The following CNTN5 variants were observed in gnomAD, a reference collection of about 807,000 sequenced individuals.
The protein encoded by CNTN5 is contactin 5.
CNTN5 carries 77 observed loss-of-function variants against 129.1 expected under a neutral mutation model. The ratio of observed to expected loss-of-function variants is 0.60; its 90% CI spans 0.50 to 0.72. The LOEUF (loss-of-function observed/expected upper bound fraction) is 0.72, where lower values mean the gene tolerates loss of function less well. Ranked by LOEUF, CNTN5 falls within the 30% of genes least tolerant of loss-of-function variation. CNTN5 has a pLI of 0.00. For missense variants in CNTN5, 1,478 were observed against 1,328.8 expected, an observed-to-expected ratio of 1.11 and a Z score of -1.75; for synonymous variants, 509 against 465.6, an observed-to-expected ratio of 1.09 and a Z score of -1.20.
At chr11:99,660,464 A>T (rs1591439149) in intron 3 of CNTN5, among the ~76,000 whole-genome samples, 1 of 152,254 alleles carries the variant, frequency 6.6e-6, no homozygotes, top group East Asian at 1.9e-4. Context: ...TATGCAACTT[A>T]AATATGTGCA....
chr11:99,970,827 G>C (rs7119109), intron 8 of CNTN5, among the ~76,000 whole-genome samples: 1 of 151,926 alleles, frequency 6.6e-6, no homozygotes. Context: ...ATGGATGGGC[G>C]GTAACATTGG....
chr11:99,556,652 TATAA>T (rs1371353003), intron 3 of CNTN5, among the ~76,000 whole-genome samples: 18 of 146,912 alleles, frequency 1.2e-4, no homozygotes, highest in African/African-American at 4.4e-4. Context: ...TGTATATGTA[TATAA>T]ATAATTATGT....
intron 1 of CNTN5, among the ~76,000 whole-genome samples, chr11:99,104,568 G>T (rs138293308): frequency 0.015 from 2,298 of 152,082 alleles, 41 homozygotes; most frequent in Non-Finnish European, 0.022. Context: ...AAGTAGTTAA[G>T]TGATGGATGT....
intron 2 of CNTN5, among the ~76,000 whole-genome samples, chr11:99,460,096 A>G (rs1473991015): frequency 6.6e-6 from 1 of 151,994 alleles, no homozygotes; most frequent in East Asian, 1.9e-4. Context: ...GAGCTTAAAA[A>G]TAGATGGAAT....
At chr11:99,727,312 C>CAAAAAAAAAAAAAAAAAAAAAAAA (rs397936738) in intron 3 of CNTN5, among the ~76,000 whole-genome samples, 41 of 24,186 alleles carry the variant, frequency 1.7e-3, no homozygotes, top group East Asian at 3.8e-3. Context: ...GACTCCGTCT[C>CAAAAAAAAAAAAAAAAAAAAAAAA]AAAAAAAAAA....
intron 6 of CNTN5, among the ~76,000 whole-genome samples, chr11:99,868,290 G>T (rs1204732500): frequency 6.6e-6 from 1 of 151,602 alleles, no homozygotes; most frequent in Non-Finnish European, 1.5e-5. Context: ...AAGAAAATAT[G>T]CAACAACAAT....
At chr11:99,500,093 T>A (rs777026632) in intron 2 of CNTN5, among the ~76,000 whole-genome samples, 2 of 152,166 alleles carry the variant, frequency 1.3e-5, no homozygotes, top group Non-Finnish European at 2.9e-5. Flanking sequence ...GTGAAAATAG[T>A]GTAATGACTA....
intron 3 of CNTN5, among the ~76,000 whole-genome samples, chr11:99,628,921 T>C (rs928780153): frequency 1.3e-5 from 2 of 152,034 alleles, no homozygotes; most frequent in Non-Finnish European, 2.9e-5. Flanking sequence ...TTAAGATAAT[T>C]GAGATAGTGG....
chr11:99,482,296 C>T (rs1430333098), intron 2 of CNTN5, among the ~76,000 whole-genome samples: 3 of 152,138 alleles, frequency 2.0e-5, no homozygotes, highest in Non-Finnish European at 2.9e-5. Context: ...ACAAGATACA[C>T]ATTTTTGAAA....
At chr11:100,348,982 GATGTCCAATAA>G (rs1394263346) in intron 23 of CNTN5, among the ~76,000 whole-genome samples, 1 of 151,906 alleles carries the variant, frequency 6.6e-6, no homozygotes, top group Non-Finnish European at 1.5e-5. Context: ...GCCTGCATGA[GATGTCCAATAA>G]ATGTTTGATA....
At chr11:100,225,779 A>G (rs1253925666) in intron 16 of CNTN5, among the ~76,000 whole-genome samples, 1 of 152,114 alleles carries the variant, frequency 6.6e-6, no homozygotes, top group African/African-American at 2.4e-5. Flanking sequence ...TAAAAACATT[A>G]TCATCTATAG....
At chr11:99,407,921 C>T (rs1230161504) in intron 2 of CNTN5, among the ~76,000 whole-genome samples, 1 of 152,184 alleles carries the variant, frequency 6.6e-6, no homozygotes, top group Admixed American at 6.5e-5. Flanking sequence ...CTGCATCATG[C>T]TTCCACTACC....
At chr11:100,309,229 T>A (rs1256944217) in intron 21 of CNTN5, 1 of 984,824 alleles carries the variant, frequency 1.0e-6, no homozygotes. Context: ...TTATTCTTAC[T>A]TTTCCTCTGC....
At position 99,658,881 on chromosome 11, in the gene CNTN5, T is replaced by A. The variant is rs1952486983; in HGVS notation, c.55+102612T>A. Among the ~76,000 whole-genome samples the A allele has an allele frequency of 6.3e-5, 6 of 95,090 alleles. No individual in the cohort carries two copies. The South Asian group carries it at 2.5e-3, about 40-fold the overall frequency. The allele number at this position is 95,090 out of a possible 152,430, so 62.4% of individuals were successfully genotyped here. A position where few individuals can be genotyped will look rare whatever the true frequency, so the allele number is the denominator to read the frequency against. On this transcript the variant is annotated intron_variant, in intron 3 of 24. Coordinates refer to ENST00000524871, the MANE Select transcript of CNTN5 (RefSeq NM_014361.4). ...CCAGACTGGGCAACAGGAGTGAAAC[T>A]CTGTCTCAAAAAAAAAAAAAAAAAG...
intron 3 of CNTN5, among the ~76,000 whole-genome samples, chr11:99,598,205 G>A (rs77732581): frequency 0.049 from 7,237 of 147,750 alleles, 262 homozygotes; most frequent in Non-Finnish European, 0.075. Flanking sequence ...CCATTCCTCA[G>A]GCGGGAACCT....
chr11:99,451,300 T>C (rs1046678388), intron 2 of CNTN5, among the ~76,000 whole-genome samples: 1 of 152,186 alleles, frequency 6.6e-6, no homozygotes, highest in Non-Finnish European at 1.5e-5. Context: ...TTCACACTGA[T>C]GACCCCATGT....
chr11:99,863,650 T>C (rs1948275328), intron 6 of CNTN5, among the ~76,000 whole-genome samples: 1 of 152,184 alleles, frequency 6.6e-6, no homozygotes, highest in African/African-American at 2.4e-5. Context: ...CTTTAGAAAT[T>C]AGGGATATTC....
intron 2 of CNTN5, among the ~76,000 whole-genome samples, chr11:99,484,501 C>G (rs1945730779): frequency 6.6e-6 from 1 of 152,088 alleles, no homozygotes. Flanking sequence ...AACAGTGTTA[C>G]CATTTGATCT....
At chr11:100,057,517 T>A (rs1386258391) in intron 9 of CNTN5, among the ~76,000 whole-genome samples, 3 of 151,858 alleles carry the variant, frequency 2.0e-5, no homozygotes, top group South Asian at 4.1e-4. Context: ...TTCATTCACT[T>A]ATTTCATAAG....
Sources: gnomAD v4.1 joint callset for allele counts (sites outside exome capture counted in the v4.1 genomes callset) on GRCh38, gnomAD v4.1.1 for gene constraint, MANE v1.5 for transcripts, NCBI Gene and HGNC (gene_info 2026-07-23, HGNC 2026-07-21) for gene names.